Variants in TTLL5 observed in about 807,000 individuals in gnomAD.
TTLL5 encodes tubulin tyrosine ligase like 5.
Under a neutral mutation model 168.4 loss-of-function variants are expected in TTLL5, and 132 were observed. The ratio of observed to expected loss-of-function variants is 0.78; its 90% confidence interval spans 0.68 to 0.91. TTLL5 has a LOEUF of 0.91. TTLL5 is among the 40% of genes least tolerant of loss of function. The pLI, the probability that TTLL5 is intolerant of heterozygous loss-of-function variation, is 0.00. For missense variants in TTLL5, 1,545 were observed against 1,581.5 expected (o/e 0.98, Z 0.39); for synonymous variants, 546 against 558.6 (o/e 0.98, Z 0.32).
At chr14:75,737,577 T>G in intron 15 of TTLL5, 1 of 1,535,768 alleles carries the variant, frequency 6.5e-7, no homozygotes, top group Non-Finnish European at 8.7e-7. Flanking sequence ...GTCCAGTATC[T>G]GCACAGTTTC....
chr14:75,717,890 C>A lies in TTLL5; in HGVS notation c.770C>A (p.Ala257Asp), dbSNP rs781453914. 1 of 1,613,824 alleles carries A rather than the reference C, an allele frequency of 6.2e-7. No individual in the cohort carries two copies. The highest frequency in any genetic ancestry group is 1.7e-5 in the Admixed American group (1 of 60,008). Reference protein sequence around the residue: ...RFATVRYDQGAKNIRNQFMHL... With the variant: ...RFATVRYDQGDKNIRNQFMHL... The stretch of plus-strand genomic sequence containing the variant: ...GCAACTGTGCGATATGATCAAGGAG[C>A]CAAGAACATTCGGAACCAGTTCATG... The change falls in exon 10 of 32, where the codon GCC becomes GAC. Residue 257 changes from alanine (A) to aspartate (D), a missense_variant. Coordinates refer to ENST00000298832, the MANE Select transcript of TTLL5 (RefSeq NM_015072.5).
chr14:75,932,689 C>T (rs555699467), intron 31 of TTLL5, among the ~76,000 whole-genome samples: 113 of 152,222 alleles, frequency 7.4e-4, no homozygotes, highest in African/African-American at 2.5e-3. Flanking sequence ...CACTCTGAAG[C>T]GATTTAGTTA....
rs535603779 is a variant in TTLL5 at position 75,926,037 on chromosome 14, G to A, written c.3823+23813G>A. 9.4e-5 allele frequency among the ~76,000 whole-genome samples: 14 copies of A among 149,224 alleles called. No homozygotes were observed. The East Asian group carries it at 9.7e-4, about 10-fold the overall frequency. ...TTCGCCTTGGCATCAGAGGGAGACC[G>A]GGGAAAGAGAGGGAGAGGGAGACCG... On this transcript the variant is annotated intron_variant, in intron 31 of 31. Coordinates refer to ENST00000298832, the MANE Select transcript of TTLL5 (RefSeq NM_015072.5).
chr14:75,850,859 G>T lies in TTLL5; in HGVS notation c.3327-12808G>T, dbSNP rs568152607. Among the ~76,000 whole-genome samples, 4 of 152,158 alleles carry T rather than the reference G, an allele frequency of 2.6e-5. No individual in the cohort carries two copies. The South Asian group carries it at 8.3e-4, about 32-fold the overall frequency. On this transcript the variant is annotated intron_variant, in intron 28 of 31. Coordinates refer to ENST00000298832, the MANE Select transcript of TTLL5 (RefSeq NM_015072.5). ...GCAGTGGCTCATGCCTGTAATCCCAGCACTTTGGGAGGCTGCGGTGAGTCC... is the reference window on the plus strand; with the variant it reads ...GCAGTGGCTCATGCCTGTAATCCCATCACTTTGGGAGGCTGCGGTGAGTCC...
chr14:75,806,463 G>A (rs1306763883), intron 27 of TTLL5, among the ~76,000 whole-genome samples: 2 of 152,126 alleles, frequency 1.3e-5, no homozygotes, highest in Non-Finnish European at 2.9e-5. Flanking sequence ...TTAGAATCTG[G>A]CTCCAGGCTA....
intron 31 of TTLL5, among the ~76,000 whole-genome samples, chr14:75,928,342 CATATATATATATAT>C (rs3034073): frequency 0.068 from 5,597 of 82,016 alleles, 692 homozygotes; most frequent in African/African-American, 0.21. Context: ...ATGACAAAAA[CATATATATATATAT>C]ATATATATAT....
chr14:75,947,425 G>T (rs1018861744), intron 31 of TTLL5, among the ~76,000 whole-genome samples: 1 of 152,016 alleles, frequency 6.6e-6, no homozygotes, highest in Non-Finnish European at 1.5e-5. Flanking sequence ...TATGGCTAAA[G>T]GTTCACCAAG....
At chr14:75,839,264 A>AT (rs938883086) in intron 28 of TTLL5, 3 of 152,282 alleles carry the variant, frequency 2.0e-5, no homozygotes, top group African/African-American at 7.2e-5. Flanking sequence ...GAGTAATTCT[A>AT]TTTTTAAGTT....
intron 21 of TTLL5, among the ~76,000 whole-genome samples, chr14:75,774,300 A>G (rs1000453730): frequency 2.0e-5 from 3 of 152,038 alleles, no homozygotes; most frequent in African/African-American, 7.2e-5. Context: ...CTTTGCCCCC[A>G]TCTTCTGTGA....
At chr14:75,954,320 T>G in intron 31 of TTLL5, 104 bp from the exon 32 acceptor site, 1 of 1,224,574 alleles carries the variant, frequency 8.2e-7, no homozygotes, top group African/African-American at 1.5e-5. Context: ...GGGCCACCAC[T>G]TCTTTATTCT....
chr14:75,662,946 GT>G, intron 1 of TTLL5, 108 bp from the exon 2 acceptor site: 1 of 670,104 alleles, frequency 1.5e-6, no homozygotes, highest in Non-Finnish European at 2.7e-6. Flanking sequence ...GTTGAGCACT[GT>G]TTAGGAATAT....
chr14:75,917,098 G>T (rs1403504266), intron 31 of TTLL5, among the ~76,000 whole-genome samples: 2 of 152,194 alleles, frequency 1.3e-5, no homozygotes, highest in African/African-American at 4.8e-5. Flanking sequence ...CAGAGTTCTG[G>T]AGCTGAATGA....
rs533874863 is a variant in TTLL5, at chr14:75,773,756, A to G, written c.2137-1728A>G. 1.3e-4 allele frequency among the ~76,000 whole-genome samples: 19 copies of G among 150,312 alleles called. No homozygotes were observed. The East Asian group carries it at 3.7e-3, about 30-fold the overall frequency. On this transcript the variant is annotated intron_variant, in intron 21 of 31. Coordinates refer to ENST00000298832, the MANE Select transcript of TTLL5 (RefSeq NM_015072.5). ...TACAAAAAAATTAGCTGGGTGTGGT[A>G]GTGCGCACCTATAGTCCCAGCTACT...
chr14:75,763,952 C>T (rs1890814214), intron 18 of TTLL5, among the ~76,000 whole-genome samples: 2 of 152,146 alleles, frequency 1.3e-5, no homozygotes, highest in Admixed American at 1.3e-4. Flanking sequence ...TGCCACCTTG[C>T]TCCACCTTCT....
intron 3 of TTLL5, among the ~76,000 whole-genome samples, chr14:75,680,869 C>T (rs925701656): frequency 7.2e-5 from 11 of 152,068 alleles, no homozygotes; most frequent in South Asian, 6.2e-4. Context: ...TCAGGTGATC[C>T]GCCCACCTTG....
intron 1 of TTLL5, among the ~76,000 whole-genome samples, chr14:75,661,885 T>C (rs1890754147): frequency 6.6e-6 from 1 of 152,134 alleles, no homozygotes; most frequent in Non-Finnish European, 1.5e-5. Flanking sequence ...TTTTGTCTTA[T>C]TTACAGTCTC....
intron 29 of TTLL5, 94 bp downstream of exon 29, chr14:75,863,956 G>A (rs1254078154): frequency 1.3e-5 from 16 of 1,277,040 alleles, no homozygotes; most frequent in Non-Finnish European, 1.6e-5. Flanking sequence ...GAGAAATGTA[G>A]GATTAGTTTT....
chr14:75,725,017 GC>G (rs1273704306), intron 12 of TTLL5, among the ~76,000 whole-genome samples: 2 of 152,180 alleles, frequency 1.3e-5, no homozygotes, highest in African/African-American at 2.4e-5. Context: ...TGTGACCCAG[GC>G]CTGGGATCAT....
At chr14:75,854,064 T>A (rs980256806) in intron 28 of TTLL5, among the ~76,000 whole-genome samples, 7 of 151,788 alleles carry the variant, frequency 4.6e-5, no homozygotes, top group South Asian at 2.1e-4. Flanking sequence ...AGAGAGAAAA[T>A]ATATATATAT....
Sources: allele counts gnomAD v4.1 joint callset (sites outside exome capture counted in the v4.1 genomes callset), GRCh38; gene constraint gnomAD v4.1.1; transcripts MANE v1.5; gene names NCBI Gene and HGNC (gene_info 2026-07-23, HGNC 2026-07-21).